SLC24A2: variants seen among roughly 807,000 people sequenced by gnomAD.
The protein encoded by SLC24A2 is solute carrier family 24 member 2, also known as sodium/potassium/calcium exchanger 2.
SLC24A2 carries 36 observed loss-of-function variants against 62.0 expected under a neutral mutation model. The ratio of observed to expected loss-of-function variants is 0.58; its 90% confidence interval spans 0.44 to 0.77. The LOEUF (loss-of-function observed/expected upper bound fraction) is 0.77. SLC24A2 is among the 30% of genes least tolerant of loss of function. SLC24A2 has a pLI of 0.00. For synonymous variants in SLC24A2, 358 were observed against 294.0 expected (o/e 1.22, Z -2.23); for missense variants, 846 against 817.9 (o/e 1.03, Z -0.42).
chr9:19,776,024 A>G (rs1329941839), intron 2 of SLC24A2, among the ~76,000 whole-genome samples: 3 of 152,252 alleles, frequency 2.0e-5, no homozygotes, highest in Admixed American at 6.5e-5. Flanking sequence ...ACAAAATATA[A>G]AAGTGCCTTA....
chr9:19,884,381 C>T, the SLC24A2 span, among the ~76,000 whole-genome samples: 12 of 152,098 alleles, frequency 7.9e-5, no homozygotes, highest in Admixed American at 6.6e-4. Context: ...TGTACACCAT[C>T]CTGGTTCTAT....
At chr9:19,912,365 T>C in the SLC24A2 span, among the ~76,000 whole-genome samples, 1 of 152,128 alleles carries the variant, frequency 6.6e-6, no homozygotes. Flanking sequence ...TGGTTACAAA[T>C]AGTGTATGAA....
intron 7 of SLC24A2, among the ~76,000 whole-genome samples, chr9:19,559,680 C>A (rs1475941454): frequency 6.6e-6 from 1 of 152,144 alleles, no homozygotes; most frequent in African/African-American, 2.4e-5. Context: ...CAGAAACATT[C>A]CATAGAACAC....
chr9:20,029,582 A>G, the SLC24A2 span, among the ~76,000 whole-genome samples: 7 of 152,264 alleles, frequency 4.6e-5, no homozygotes, highest in Middle Eastern at 3.4e-3. Flanking sequence ...CCTGATCTCA[A>G]TGGAAAACAA....
chr9:19,833,046 A>C, the SLC24A2 span, among the ~76,000 whole-genome samples: 6 of 152,198 alleles, frequency 3.9e-5, no homozygotes, highest in African/African-American at 1.4e-4. Flanking sequence ...ATGAGATACC[A>C]TCTCACACCA....
chr9:20,016,957 G>C, the SLC24A2 span, among the ~76,000 whole-genome samples: 1 of 152,164 alleles, frequency 6.6e-6, no homozygotes, highest in Non-Finnish European at 1.5e-5. Flanking sequence ...TTAATTAAAA[G>C]ATCACATAAG....
chr9:19,741,018 T>C (rs527953730), intron 2 of SLC24A2, among the ~76,000 whole-genome samples: 1 of 152,314 alleles, frequency 6.6e-6, no homozygotes, highest in South Asian at 2.1e-4. Flanking sequence ...AAATGGAATG[T>C]CATTTGAGGG....
chr9:19,532,771 T>TAG (rs1308562133), intron 8 of SLC24A2, among the ~76,000 whole-genome samples: 5 of 152,206 alleles, frequency 3.3e-5, no homozygotes, highest in Admixed American at 6.6e-5. Flanking sequence ...AGACACTGAA[T>TAG]AGATACTTGA....
chr9:19,584,159 C>G (rs192180043), intron 5 of SLC24A2, among the ~76,000 whole-genome samples: 2 of 152,066 alleles, frequency 1.3e-5, no homozygotes, highest in African/African-American at 4.8e-5. Context: ...TCATGCCTCA[C>G]CCATCACAGG....
intron 2 of SLC24A2, among the ~76,000 whole-genome samples, chr9:19,706,443 G>A (rs62564206): frequency 0.035 from 5,207 of 149,240 alleles, 102 homozygotes; most frequent in Middle Eastern, 0.068. Context: ...GCAGTGGCGC[G>A]ATCTCGACTC....
chr9:20,247,323 A>G, the SLC24A2 span, among the ~76,000 whole-genome samples: 3 of 152,116 alleles, frequency 2.0e-5, no homozygotes, highest in Non-Finnish European at 4.4e-5. Flanking sequence ...AACTCCAAGC[A>G]CATACGGTCC....
chr9:20,255,582 TG>T, the SLC24A2 span, among the ~76,000 whole-genome samples: 3 of 151,642 alleles, frequency 2.0e-5, no homozygotes, highest in Non-Finnish European at 2.9e-5. Flanking sequence ...CAGGTGTAGC[TG>T]TCAGCGAGGG....
intron 2 of SLC24A2, among the ~76,000 whole-genome samples, chr9:19,782,383 A>G (rs1161462562): frequency 6.6e-6 from 1 of 152,226 alleles, no homozygotes; most frequent in Non-Finnish European, 1.5e-5. Context: ...CTCTGCTTAG[A>G]ATGGATATTG....
intron 8 of SLC24A2, among the ~76,000 whole-genome samples, chr9:19,543,267 TGG>T (rs1834371563): frequency 6.6e-6 from 1 of 152,212 alleles, no homozygotes; most frequent in Admixed American, 6.5e-5. Flanking sequence ...GTGGGATCAG[TGG>T]TGATATCCCC....
intron 8 of SLC24A2, among the ~76,000 whole-genome samples, chr9:19,541,403 G>A (rs1385631622): frequency 6.6e-6 from 1 of 151,958 alleles, no homozygotes; most frequent in South Asian, 2.1e-4. Flanking sequence ...GTCCTTTCTG[G>A]TCGTTAGTTT....
chr9:19,616,318 C>T (rs144498000), intron 4 of SLC24A2, among the ~76,000 whole-genome samples: 1 of 152,248 alleles, frequency 6.6e-6, no homozygotes, highest in East Asian at 1.9e-4. Flanking sequence ...TTAATCCTTA[C>T]AATAACACTA....
At position 19,513,166 on chromosome 9, in the gene SLC24A2, ATATATATATGTATATATATATATATG is replaced by A. The variant is rs1563921189; in HGVS notation, c.*2961_*2986del. 2 of 61,320 alleles carry A rather than the reference ATATATATATGTATATATATATATATG, an allele frequency of 3.3e-5. No individual in the cohort carries two copies. The highest frequency in any genetic ancestry group is 1.2e-4 in the African/African-American group (2 of 16,832). 3.8% of individuals were successfully genotyped at this position (61,320 alleles called of 1,614,324 possible). On this transcript the variant is annotated 3_prime_UTR_variant, in exon 11 of 11. Transcript: ENST00000341998. ...ATCTGGTATAAAGATATATATATAT[ATATATATATGTATATATATATATATG>A]TATATATTTATATATGTATATACAC...
At chr9:19,727,869 T>C (rs1397107133) in intron 2 of SLC24A2, among the ~76,000 whole-genome samples, 2 of 152,166 alleles carry the variant, frequency 1.3e-5, no homozygotes, top group African/African-American at 4.8e-5. Context: ...ATCATTTCTA[T>C]CTCTTTCTCA....
intron 2 of SLC24A2, among the ~76,000 whole-genome samples, chr9:19,650,365 C>T (rs1002678359): frequency 6.6e-5 from 10 of 152,298 alleles, no homozygotes; most frequent in Middle Eastern, 6.8e-3. Context: ...TGGATTTCTG[C>T]AGGTACCCAG....
Sources: allele counts gnomAD v4.1 joint callset (sites outside exome capture counted in the v4.1 genomes callset), GRCh38; gene constraint gnomAD v4.1.1; transcripts MANE v1.5; gene names NCBI Gene and HGNC (gene_info 2026-07-23, HGNC 2026-07-21).